CA14: variants seen among roughly 807,000 people sequenced by gnomAD.
The protein encoded by CA14 is CA-XIV.
Under a neutral mutation model 48.8 loss-of-function variants are expected in CA14, and 44 were observed. That is an observed-to-expected ratio of 0.90 (90% CI 0.71 to 1.16). CA14 has a LOEUF of 1.16. Among genes scored for constraint, CA14 ranks in the 50% most tolerant of loss-of-function variants. CA14 has a pLI of 0.00. For missense variants in CA14, 386 were observed against 401.0 expected, an observed-to-expected ratio of 0.96 and a Z score of 0.32; for synonymous variants, 154 against 155.0, an observed-to-expected ratio of 0.99 and a Z score of 0.05.
chr1:150,261,381 G>C (rs1651014941), intron 2 of CA14, 78 bp from the exon 3 acceptor site: 1 of 1,308,358 alleles, frequency 7.6e-7, no homozygotes, highest in Non-Finnish European at 1.1e-6. Flanking sequence ...GTTAGGGGAA[G>C]GGTCAAAGGG....
intron 3 of CA14, 131 bp downstream of exon 3, chr1:150,261,769 C>A: frequency 1.2e-6 from 1 of 812,102 alleles, no homozygotes; most frequent in Non-Finnish European, 1.9e-6. Flanking sequence ...CAAATCTTGT[C>A]AAGATGTTGG....
At chr1:150,261,730 T>A in intron 3 of CA14, 92 bp downstream of exon 3, 1 of 1,185,888 alleles carries the variant, frequency 8.4e-7, no homozygotes, top group Non-Finnish European at 1.2e-6. Flanking sequence ...GATGGGGTGT[T>A]CCTGAGCATG....
At chr1:150,263,457 G>A in intron 8 of CA14, 38 bp downstream of exon 8, 2 of 1,611,854 alleles carry the variant, frequency 1.2e-6, no homozygotes, top group Non-Finnish European at 1.7e-6. Context: ...GGAAACTGAG[G>A]GGGACACAAT....
At chr1:150,259,395 T>C (rs1331797300) in intron 1 of CA14, among the ~76,000 whole-genome samples, 1 of 152,170 alleles carries the variant, frequency 6.6e-6, no homozygotes, top group Non-Finnish European at 1.5e-5. Context: ...CACGAGAGCC[T>C]GGCATGTGAC....
At chr1:150,261,101 T>C in intron 2 of CA14, 1 of 210,612 alleles carries the variant, frequency 4.7e-6, no homozygotes, top group Non-Finnish European at 9.6e-6. Flanking sequence ...CTACTCCTAC[T>C]CTCTAATCCC....
chr1:150,258,142 C>T lies in CA14; in HGVS notation c.14C>T (p.Ala5Val). Reference sequence around the variant, plus strand: ...TCCTGGGACACTATGTTGTTCTCCGCCCTCCTGCTGGAGGTGATTTGGATC... The same window carrying T: ...TCCTGGGACACTATGTTGTTCTCCGTCCTCCTGCTGGAGGTGATTTGGATC... MLFS[A>V]LLLEVIWILA... The change falls in exon 1 of 11, where the codon GCC becomes GTC. Residue 5 changes from alanine to valine, a missense_variant. Physicochemically the swap from Ala to Val is moderately conservative, Grantham distance 64. Coordinates refer to ENST00000369111, the MANE Select transcript of CA14 (RefSeq NM_012113.3). 2 of 1,610,954 alleles carry T rather than the reference C, an allele frequency of 1.2e-6. No individual in the cohort carries two copies. Among genetic ancestry groups the T allele is most frequent in the Non-Finnish European group, 1.7e-6 (2 of 1,178,058 alleles).
intron 2 of CA14, 52 bp from the exon 3 acceptor site, chr1:150,261,407 A>C: frequency 1.3e-6 from 2 of 1,529,554 alleles, no homozygotes. Flanking sequence ...GTGCTGTTGA[A>C]GGGTAGCTAG....
At position 150,264,779 on chromosome 1, in the gene CA14, T is replaced by C; in HGVS notation, c.*120T>C. 1.6e-6 allele frequency: 1 copy of C among 641,460 alleles called. No individual in the cohort carries two copies. Among genetic ancestry groups the C allele is most frequent in the Admixed American group, 3.0e-5 (1 of 33,368 alleles). The allele number at this position is 641,460 out of a possible 1,614,324, so 39.7% of individuals were successfully genotyped here. On this transcript the variant is annotated 3_prime_UTR_variant, in exon 11 of 11. Coordinates refer to ENST00000369111, the MANE Select transcript of CA14 (RefSeq NM_012113.3). Reference sequence around the variant, plus strand: ...AGGAGTAGTAAGCAGATGTCCTCCTTCCCCTGGACATCTCCTAGAGAGGAA... The same window carrying C: ...AGGAGTAGTAAGCAGATGTCCTCCTCCCCCTGGACATCTCCTAGAGAGGAA...
chr1:150,260,895 G>A (rs1650973967), intron 2 of CA14: 1 of 155,190 alleles, frequency 6.4e-6, no homozygotes, highest in Admixed American at 6.3e-5. Context: ...GAGTAGCTGG[G>A]ATTACAGGTG....
chr1:150,260,751 G>GTTTTT (rs1553847624), intron 2 of CA14: 8 of 104,894 alleles, frequency 7.6e-5, no homozygotes, highest in East Asian at 2.9e-4. Flanking sequence ...ATCTCTCTAG[G>GTTTTT]TTATTTTTTT....
intron 10 of CA14, 64 bp downstream of exon 10, chr1:150,263,942 G>C: frequency 9.0e-7 from 1 of 1,114,786 alleles, no homozygotes; most frequent in Non-Finnish European, 1.3e-6. Context: ...TGGTAGGTGG[G>C]AGACGGAGTC....
In CA14 at chr1:150,258,251, G is replaced by T. The variant is rs180794850; in HGVS notation, c.55+68G>T. On this transcript the variant is annotated intron_variant, in intron 1 of 10. Transcript: ENST00000369111. ...TCACATGTCGCCAGGTGTGCTTAAT[G>T]GGGGGAGGAGAGGTGTGAAAGGAAG... 4.3e-4 allele frequency: 566 copies of T among 1,321,858 alleles called. 2 individuals carry two copies. In the African/African-American group the frequency reaches 7.1e-3, roughly 17 times the overall value. The allele number at this position is 1,321,858 out of a possible 1,614,324, so 81.9% of individuals were successfully genotyped here.
intron 3 of CA14, 22 bp from the exon 4 acceptor site, chr1:150,262,136 G>C (rs377606985): frequency 6.2e-7 from 1 of 1,614,020 alleles, no homozygotes; most frequent in Non-Finnish European, 8.5e-7. Flanking sequence ...CCACCAATCC[G>C]AGTTTGCTCT....
chr1:150,263,434 C>A lies in CA14; in HGVS notation c.841+15C>A, dbSNP rs1651271474. The A allele has an allele frequency of 6.2e-6, 10 of 1,613,172 alleles. 1 individual carries two copies. The highest frequency in any genetic ancestry group is 8.5e-6 in the Non-Finnish European group (10 of 1,179,784). ...TTTCATCCAAGGTGATTCTGCACGGCTCAGAAGAGATGGGAAACTGAGGGG... is the reference window on the plus strand; with the variant it reads ...TTTCATCCAAGGTGATTCTGCACGGATCAGAAGAGATGGGAAACTGAGGGG... On this transcript the variant is annotated intron_variant, in intron 8 of 10. Transcript: ENST00000369111.
chr1:150,263,198 AGGTAAGT>A lies in CA14; in HGVS notation c.720+3_720+9del, dbSNP rs781887291. On this transcript the variant is annotated splice_donor_variant and splice_donor_5th_base_variant and coding_sequence_variant and intron_variant, in exon 7 of 11. Transcript: ENST00000369111. LOFTEE classifies it high-confidence loss of function. ...AGAAGGTCCCAGATTTCAATGGAAC[AGGTAAGT>A]GGTGGAGAAACGAGGTGAGGTGAGA... 5 of 1,614,168 alleles carry A rather than the reference AGGTAAGT, an allele frequency of 3.1e-6. No homozygotes were observed. The highest frequency in any genetic ancestry group is 3.4e-6 in the Non-Finnish European group (4 of 1,180,024).
At position 150,261,153 on chromosome 1, in the gene CA14, C is replaced by T. The variant is rs949811971; in HGVS notation, c.77-306C>T. 5.1e-5 allele frequency: 19 copies of T among 373,812 alleles called. No individual in the cohort carries two copies. The Admixed American group carries it at 7.3e-4, about 14-fold the overall frequency. The allele number at this position is 373,812 out of a possible 1,614,324, so 23.2% of individuals were successfully genotyped here. A position where few individuals can be genotyped will look rare whatever the true frequency, so the allele number is the denominator to read the frequency against. On this transcript the variant is annotated intron_variant, in intron 2 of 10. Transcript: ENST00000369111. ...AGGTTTTCTATGCATCCCCTCTGCC[C>T]TCATTCAGCTTTCTTGTCCTCAAAA...
At chr1:150,258,413 G>C (rs1650727850) in intron 1 of CA14, among the ~76,000 whole-genome samples, 1 of 152,186 alleles carries the variant, frequency 6.6e-6, no homozygotes, top group Non-Finnish European at 1.5e-5. Flanking sequence ...CAGGCAGGCA[G>C]AGTGTGTACA....
At chr1:150,264,368 A>G (rs587696087) in intron 10 of CA14, among the ~76,000 whole-genome samples, 109 of 150,440 alleles carry the variant, frequency 7.2e-4, no homozygotes, top group South Asian at 1.0e-3. Flanking sequence ...ATGCCCAGAT[A>G]ATTTTTGTAT....
At chr1:150,260,201 C>G (rs201030923) in intron 2 of CA14, 30 bp downstream of exon 2, 114 of 1,611,592 alleles carry the variant, frequency 7.1e-5, no homozygotes, top group Non-Finnish European at 8.3e-5. Flanking sequence ...TCCCGACAAC[C>G]CTTTCACACT....
Sources: allele counts gnomAD v4.1 joint callset (sites outside exome capture counted in the v4.1 genomes callset), GRCh38; gene constraint gnomAD v4.1.1; transcripts MANE v1.5; gene names NCBI Gene and HGNC (gene_info 2026-07-23, HGNC 2026-07-21).